PHLDB2: variants seen among roughly 807,000 people sequenced by gnomAD.
PHLDB2 encodes the protein pleckstrin homology like domain family B member 2.
Under a neutral mutation model 123.6 loss-of-function variants are expected in PHLDB2, and 71 were observed. The ratio of observed to expected loss-of-function variants is 0.57; its 90% CI spans 0.47 to 0.70. The LOEUF (loss-of-function observed/expected upper bound fraction) is 0.70, where lower values mean the gene tolerates loss of function less well. PHLDB2 is among the 30% of genes least tolerant of loss of function. The pLI, the probability that PHLDB2 is intolerant of heterozygous loss-of-function variation, is 0.00. For missense variants in PHLDB2, 1,446 were observed against 1,519.5 expected (o/e 0.95, Z 0.80); for synonymous variants, 547 against 541.6 (o/e 1.01, Z -0.14).
Position 111,914,813 on chromosome 3 carries a change from G to T in PHLDB2, c.1719+1111G>T, listed in dbSNP as rs568645404. ...TCTGGTTGTATGTTGGTTTAAAATT[G>T]TCATCCTTTTGAGGATTTGTTAAAT... On this transcript the variant is annotated intron_variant, in intron 3 of 17. Coordinates refer to ENST00000431670, the MANE Select transcript of PHLDB2 (RefSeq NM_001134438.2). 5.9e-5 allele frequency: 9 copies of T among 151,988 alleles called. No homozygotes were observed. In the East Asian group the frequency reaches 1.5e-3, roughly 26 times the overall value. 9.4% of individuals were successfully genotyped at this position (151,988 alleles called of 1,614,324 possible).
rs777511475 is a variant in PHLDB2, at chr3:111,885,262, G to C, written c.1185G>C (p.Leu395Phe). Residue 395 changes from leucine to phenylalanine, a missense_variant, in exon 2 of 18, where the codon TTG becomes TTC. Transcript: ENST00000431670. ...CTGTGGAATTTGATGAGGCAGATTT[G>C]GAAAGCCTCAGACAGGCCTCAGGAA... ...CGSVEFDEAD[L>F]ESLRQASGTP... The C allele has an allele frequency of 1.2e-6, 2 of 1,614,160 alleles. No individual in the cohort carries two copies. The highest frequency in any genetic ancestry group is 1.7e-6 in the Non-Finnish European group (2 of 1,180,024).
At chr3:111,756,810 T>C (rs1311458237) in intron 1 of PHLDB2, among the ~76,000 whole-genome samples, 1 of 152,226 alleles carries the variant, frequency 6.6e-6, no homozygotes, top group Non-Finnish European at 1.5e-5. Context: ...CCATGTTTAG[T>C]GCTTCCTTCA....
chr3:111,960,397 C>T (rs1465413965), intron 12 of PHLDB2, among the ~76,000 whole-genome samples: 1 of 152,108 alleles, frequency 6.6e-6, no homozygotes, highest in African/African-American at 2.4e-5. Context: ...TTTATAATGG[C>T]AGATTATATT....
chr3:111,782,377 G>A (rs1463393159), intron 1 of PHLDB2, among the ~76,000 whole-genome samples: 3 of 151,998 alleles, frequency 2.0e-5, no homozygotes, highest in Admixed American at 6.6e-5. Flanking sequence ...AATATAAAGC[G>A]AGGATAGTAA....
chr3:111,807,369 T>C (rs951590276), intron 1 of PHLDB2, among the ~76,000 whole-genome samples: 5 of 152,132 alleles, frequency 3.3e-5, no homozygotes, highest in Non-Finnish European at 7.4e-5. Context: ...AAGTCATAAA[T>C]GTTGGAAACT....
chr3:111,905,502 G>A (rs1302413715), intron 2 of PHLDB2, among the ~76,000 whole-genome samples: 1 of 151,988 alleles, frequency 6.6e-6, no homozygotes, highest in East Asian at 1.9e-4. Flanking sequence ...GACTACAGGT[G>A]CGTGCCACCT....
intron 1 of PHLDB2, among the ~76,000 whole-genome samples, chr3:111,790,030 G>A (rs2060849374): frequency 6.6e-6 from 1 of 152,184 alleles, no homozygotes; most frequent in Non-Finnish European, 1.5e-5. Flanking sequence ...CCATGGGCGT[G>A]AGGAGCCTGA....
At position 111,884,560 on chromosome 3, in the gene PHLDB2, C is replaced by A; in HGVS notation, c.483C>A (p.Val161=). ...YSSRHKSHDN[V]YSLGGLEGRK... is the part of the protein sequence containing the mutation. ...CAAGGCATAAATCGCATGACAATGT[C>A]TACTCTCTTGGAGGGCTGGAAGGTC... The change falls in exon 2 of 18, where the codon GTC becomes GTA. Residue 161 remains valine (V), a synonymous_variant. Coordinates refer to ENST00000431670, the MANE Select transcript of PHLDB2 (RefSeq NM_001134438.2). 1.2e-6 allele frequency: 2 copies of A among 1,614,120 alleles called. No individual in the cohort carries two copies.
chr3:111,813,358 A>G (rs1397854910), intron 1 of PHLDB2, among the ~76,000 whole-genome samples: 2 of 152,108 alleles, frequency 1.3e-5, no homozygotes, highest in African/African-American at 4.8e-5. Flanking sequence ...ATTTTTTTTA[A>G]AAGGGAAAGG....
chr3:111,778,269 G>A (rs2060302855), intron 1 of PHLDB2: 1 of 151,918 alleles, frequency 6.6e-6, no homozygotes, highest in Admixed American at 6.6e-5. Context: ...TTATCATAGG[G>A]AAATGTGGAC....
chr3:111,903,182 G>T (rs2067299236), intron 2 of PHLDB2, among the ~76,000 whole-genome samples: 1 of 152,218 alleles, frequency 6.6e-6, no homozygotes, highest in Non-Finnish European at 1.5e-5. Context: ...CATGCCTTCA[G>T]TAAGGGGGGG....
chr3:111,970,592 A>G (rs2072107922), intron 16 of PHLDB2, among the ~76,000 whole-genome samples: 1 of 152,216 alleles, frequency 6.6e-6, no homozygotes, highest in Non-Finnish European at 1.5e-5. Context: ...TTGGCTGACA[A>G]GAAACATACC....
intron 1 of PHLDB2, among the ~76,000 whole-genome samples, chr3:111,748,774 G>T (rs1053689314): frequency 1.3e-5 from 2 of 151,914 alleles, no homozygotes; most frequent in Admixed American, 1.3e-4. Context: ...CACCCACCTC[G>T]GCCTCCCAAA....
At chr3:111,907,821 G>C (rs1293257616) in intron 2 of PHLDB2, among the ~76,000 whole-genome samples, 3 of 151,940 alleles carry the variant, frequency 2.0e-5, no homozygotes, top group Non-Finnish European at 4.4e-5. Context: ...TTTTGAGACA[G>C]GGTCTCCCTC....
chr3:111,861,463 C>T (rs969792798), intron 1 of PHLDB2, among the ~76,000 whole-genome samples: 2 of 152,140 alleles, frequency 1.3e-5, no homozygotes, highest in African/African-American at 4.8e-5. Context: ...GCTAATGTAG[C>T]CTTCATCTCT....
At chr3:111,742,267 TA>T (rs1414284063) in intron 1 of PHLDB2, among the ~76,000 whole-genome samples, 1 of 152,192 alleles carries the variant, frequency 6.6e-6, no homozygotes, top group Non-Finnish European at 1.5e-5. Flanking sequence ...GCCAAAGTCA[TA>T]ATAGCATGTT....
At chr3:111,744,972 A>T (rs2059659715) in intron 1 of PHLDB2, among the ~76,000 whole-genome samples, 2 of 152,188 alleles carry the variant, frequency 1.3e-5, no homozygotes, top group African/African-American at 4.8e-5. Flanking sequence ...CAAGATGGCA[A>T]ACTAGCTCCA....
chr3:111,892,293 A>G (rs2066551809), intron 2 of PHLDB2, among the ~76,000 whole-genome samples: 1 of 152,156 alleles, frequency 6.6e-6, no homozygotes, highest in African/African-American at 2.4e-5. Flanking sequence ...CTACCATTGA[A>G]GGTGTTTTGT....
intron 5 of PHLDB2, among the ~76,000 whole-genome samples, chr3:111,926,564 A>G (rs2068823063): frequency 6.7e-6 from 1 of 148,972 alleles, no homozygotes; most frequent in South Asian, 2.1e-4. Flanking sequence ...GTTTGATTAC[A>G]TAAGTCCTGA....
Sources: gnomAD v4.1 joint callset for allele counts (sites outside exome capture counted in the v4.1 genomes callset) on GRCh38, gnomAD v4.1.1 for gene constraint, MANE v1.5 for transcripts, NCBI Gene and HGNC (gene_info 2026-07-23, HGNC 2026-07-21) for gene names.